Variants in CTNNA2 observed in about 807,000 individuals in gnomAD.
CTNNA2 encodes the protein catenin alpha 2.
A neutral mutation model predicts 101.0 loss-of-function variants in CTNNA2; 42 were observed. The ratio of observed to expected loss-of-function variants is 0.42; its 90% CI spans 0.32 to 0.54. The LOEUF (loss-of-function observed/expected upper bound fraction) is 0.54, where lower values mean the gene tolerates loss of function less well. Ranked by LOEUF, CTNNA2 falls within the 20% of genes least tolerant of loss-of-function variation. CTNNA2 has a pLI of 0.14. For synonymous variants in CTNNA2, 450 were observed against 456.4 expected, an observed-to-expected ratio of 0.99 and a Z score of 0.18; for missense variants, 871 against 1,223.1, an observed-to-expected ratio of 0.71 and a Z score of 4.29.
At chr2:80,175,207 A>T (rs1013020969) in intron 7 of CTNNA2, among the ~76,000 whole-genome samples, 2 of 152,080 alleles carry the variant, frequency 1.3e-5, no homozygotes, top group African/African-American at 4.8e-5. Flanking sequence ...TTCAGATCCC[A>T]CCTCAACCAT....
intron 2 of CTNNA2, among the ~76,000 whole-genome samples, chr2:79,225,173 T>G (rs895229424): frequency 6.6e-6 from 1 of 152,168 alleles, no homozygotes; most frequent in Non-Finnish European, 1.5e-5. Flanking sequence ...AAAATAGATG[T>G]GTTTTTAGTT....
chr2:80,577,902 A>G (rs1405637912), intron 13 of CTNNA2, among the ~76,000 whole-genome samples: 1 of 152,170 alleles, frequency 6.6e-6, no homozygotes, highest in African/African-American at 2.4e-5. Flanking sequence ...TTTATGAAAA[A>G]TGAGAAAATA....
intron 4 of CTNNA2, among the ~76,000 whole-genome samples, chr2:79,490,784 G>C (rs1487752121): frequency 6.6e-6 from 1 of 152,172 alleles, no homozygotes; most frequent in Non-Finnish European, 1.5e-5. Flanking sequence ...TATTGATCTT[G>C]AGAAATGTTA....
chr2:80,258,049 A>G (rs1445951725), intron 7 of CTNNA2, among the ~76,000 whole-genome samples: 1 of 152,200 alleles, frequency 6.6e-6, no homozygotes, highest in Non-Finnish European at 1.5e-5. Flanking sequence ...ATTTATTATG[A>G]CAAATTCCTG....
chr2:80,302,317 C>T lies in CTNNA2; in HGVS notation c.1057-90894C>T. 6.2e-7 allele frequency: 1 copy of T among 1,614,202 alleles called. No homozygotes were observed. The highest frequency in any genetic ancestry group is 8.5e-7 in the Non-Finnish European group (1 of 1,180,040). On this transcript the variant is annotated intron_variant, in intron 7 of 18. Coordinates refer to ENST00000402739, the MANE Select transcript of CTNNA2 (RefSeq NM_001282597.3). This position sits in a 1 kb window ranked among gnomAD's most constrained non-coding sequence, Gnocchi z 6.4. ...ACGAGCCATACTCGTTGATGATCACCAGGGCTCCCTCAATGTGGTTCGGTT... is the reference window on the plus strand; with the variant it reads ...ACGAGCCATACTCGTTGATGATCACTAGGGCTCCCTCAATGTGGTTCGGTT...
intron 7 of CTNNA2, among the ~76,000 whole-genome samples, chr2:80,344,010 C>G (rs1382430509): frequency 1.3e-5 from 2 of 152,116 alleles, no homozygotes; most frequent in African/African-American, 2.4e-5. Flanking sequence ...CACCCATTCT[C>G]TCTTGAGGCC....
rs139283390 is a variant in CTNNA2 at position 80,359,342 on chromosome 2, G to T, written c.1057-33869G>T. Among the ~76,000 whole-genome samples, 30 of 152,274 alleles carry T rather than the reference G, an allele frequency of 2.0e-4. 1 individual carries two copies. In the East Asian group the frequency reaches 5.8e-3, roughly 29 times the overall value. On this transcript the variant is annotated intron_variant, in intron 7 of 18. Coordinates refer to ENST00000402739, the MANE Select transcript of CTNNA2 (RefSeq NM_001282597.3). ...GGACTCTGGTTCTACTGAGCTTTTT[G>T]TCTACATTTATGCCGATGATACACT... is the stretch of plus-strand genomic sequence containing the variant.
intron 4 of CTNNA2, among the ~76,000 whole-genome samples, chr2:79,485,236 A>G (rs1466599611): frequency 6.6e-6 from 1 of 152,104 alleles, no homozygotes; most frequent in African/African-American, 2.4e-5. Flanking sequence ...AAAAAATACA[A>G]TTTTTCTTTA....
At chr2:79,413,604 G>A (rs1395555710) in intron 4 of CTNNA2, among the ~76,000 whole-genome samples, 2 of 151,992 alleles carry the variant, frequency 1.3e-5, no homozygotes, top group Non-Finnish European at 2.9e-5. Context: ...GAGTCACATA[G>A]TAGTTCTATT....
intron 3 of CTNNA2, among the ~76,000 whole-genome samples, chr2:79,823,014 C>G (rs534415580): frequency 6.6e-6 from 1 of 152,242 alleles, no homozygotes; most frequent in East Asian, 1.9e-4. Flanking sequence ...ATTTTTTTCT[C>G]TTCATCTTTT....
chr2:79,563,189 T>TATATATATATATATATATATATATATA (rs879673133), intron 1 of CTNNA2, among the ~76,000 whole-genome samples: 6 of 40,340 alleles, frequency 1.5e-4, no homozygotes, highest in African/African-American at 2.9e-4. Context: ...ATATATATAT[T>TATATATATATATATATATATATATATA]TTCCTTCATT....
intron 15 of CTNNA2, among the ~76,000 whole-genome samples, chr2:80,591,708 T>TAA (rs199628407): frequency 0.021 from 3,225 of 152,154 alleles, 58 homozygotes; most frequent in Non-Finnish European, 0.036. Flanking sequence ...TGTGTATGTG[T>TAA]AAAGGGCATG....
At chr2:79,513,866 C>T (rs529767145) in intron 1 of CTNNA2, among the ~76,000 whole-genome samples, 1 of 152,064 alleles carries the variant, frequency 6.6e-6, no homozygotes, top group Admixed American at 6.5e-5. Flanking sequence ...ATCCAGCCTT[C>T]CCTGCTTTGA....
At chr2:80,515,950 G>A (rs1231971100) in intron 9 of CTNNA2, among the ~76,000 whole-genome samples, 4 of 152,174 alleles carry the variant, frequency 2.6e-5, no homozygotes, top group African/African-American at 9.7e-5. Flanking sequence ...TTTTGCTAAG[G>A]TCTGGGTGTG....
chr2:79,962,343 A>G (rs895739259), intron 7 of CTNNA2, among the ~76,000 whole-genome samples: 1 of 152,194 alleles, frequency 6.6e-6, no homozygotes, highest in Non-Finnish European at 1.5e-5. Context: ...CTCTTTTAGG[A>G]GGGCATCTAA....
intron 2 of CTNNA2, among the ~76,000 whole-genome samples, chr2:79,201,084 A>G (rs1292654699): frequency 1.3e-5 from 2 of 151,220 alleles, no homozygotes; most frequent in Non-Finnish European, 2.9e-5. Flanking sequence ...AAAATAAAAC[A>G]TTTCCCCCCC....
chr2:79,333,267 G>A (rs1475217685), intron 3 of CTNNA2, among the ~76,000 whole-genome samples: 1 of 152,098 alleles, frequency 6.6e-6, no homozygotes, highest in East Asian at 1.9e-4. Context: ...AATCTATAAA[G>A]AAATAGAGAA....
chr2:80,523,980 A>T (rs981823538), intron 9 of CTNNA2, among the ~76,000 whole-genome samples: 1 of 152,128 alleles, frequency 6.6e-6, no homozygotes, highest in African/African-American at 2.4e-5. Context: ...TGAATCATAT[A>T]AGCAAAAGCA....
At position 80,069,727 on chromosome 2, in the gene CTNNA2, T is replaced by G. The variant is rs201015319; in HGVS notation, c.1056+159930T>G. 4.6e-5 allele frequency among the ~76,000 whole-genome samples: 7 copies of G among 152,192 alleles called. No homozygotes were observed. The East Asian group carries it at 1.3e-3, about 29-fold the overall frequency. On this transcript the variant is annotated intron_variant, in intron 7 of 18. Transcript: ENST00000402739. ...GTACGTGTGTGTGTGTGTGTATAAA[T>G]TCATAACTAATAAGAAAGAAATACT... is the stretch of plus-strand genomic sequence containing the variant.
Sources: allele counts gnomAD v4.1 joint callset (sites outside exome capture counted in the v4.1 genomes callset), GRCh38; gene constraint gnomAD v4.1.1; non-coding constraint Gnocchi (gnomAD v3.1); transcripts MANE v1.5; gene names NCBI Gene and HGNC (gene_info 2026-07-23, HGNC 2026-07-21).